ZNF704: variants seen among roughly 807,000 people sequenced by gnomAD.
ZNF704 encodes zinc finger protein 704, also known as glucocorticoid induced gene 1.
ZNF704 carries 10 observed loss-of-function variants against 44.7 expected under a neutral mutation model. The observed-to-expected ratio is 0.22, with a 90% CI of 0.14 to 0.38. The LOEUF is 0.38. ZNF704 is among the 10% of genes least tolerant of loss of function. The probability of loss-of-function intolerance (pLI) is 1.00; values close to 1 mark genes in which losing one functional copy is unlikely to be tolerated. For synonymous variants in ZNF704, 211 were observed against 207.6 expected, an observed-to-expected ratio of 1.02 and a Z score of -0.14; for missense variants, 390 against 545.5, an observed-to-expected ratio of 0.71 and a Z score of 2.84.
At chr8:80,859,002 A>C (rs1809013862) in intron 1 of ZNF704, among the ~76,000 whole-genome samples, 1 of 152,322 alleles carries the variant, frequency 6.6e-6, no homozygotes, top group East Asian at 1.9e-4. Context: ...AATATTCTAT[A>C]ATCTTACTTT....
At chr8:80,803,979 T>C (rs1393811716) in intron 2 of ZNF704, among the ~76,000 whole-genome samples, 2 of 151,820 alleles carry the variant, frequency 1.3e-5, no homozygotes, top group Non-Finnish European at 2.9e-5. Flanking sequence ...CTCAAGTAAA[T>C]TTAGAAGAAA....
intron 2 of ZNF704, 105 bp from the exon 3 acceptor site, chr8:80,693,212 T>A: frequency 1.1e-6 from 1 of 899,260 alleles, no homozygotes; most frequent in Non-Finnish European, 1.8e-6. Context: ...CTTATCCCCA[T>A]GAACAACCGA....
intron 1 of ZNF704, among the ~76,000 whole-genome samples, chr8:80,824,108 T>C (rs551922827): frequency 1.2e-4 from 19 of 152,302 alleles, no homozygotes; most frequent in Middle Eastern, 3.4e-3. Flanking sequence ...CTTCAGATGA[T>C]TGGTAGTAAC....
In ZNF704 at chr8:80,641,421, T is replaced by C; in HGVS notation, c.1184A>G (p.Asp395Gly). ...CRKVYGMENR[D>G]MWCTACRWKK... ...CCAGCGGCAGGCGGTACACCACATGTCTCGGTTCTCCATCCCGTACACCTT... is the reference window on the plus strand; with the variant it reads ...CCAGCGGCAGGCGGTACACCACATGCCTCGGTTCTCCATCCCGTACACCTT... The change falls in exon 9 of 9, where the codon GAC (aspartate) becomes GGC (glycine). Residue 395 changes from aspartate to glycine, a missense_variant. By Grantham distance (94) the Asp-to-Gly change is moderately conservative. This residue lies in a region of ZNF704 where 305 missense variants were observed against 435.7 expected (regional missense o/e 0.70). Transcript: ENST00000327835. The C allele has an allele frequency of 6.2e-7, 1 of 1,613,554 alleles. No individual in the cohort carries two copies. Among genetic ancestry groups the C allele is most frequent in the Non-Finnish European group, 8.5e-7 (1 of 1,179,796 alleles).
chr8:80,810,669 G>A (rs1808066886), intron 2 of ZNF704, among the ~76,000 whole-genome samples: 1 of 152,164 alleles, frequency 6.6e-6, no homozygotes, highest in Non-Finnish European at 1.5e-5. Context: ...TAAAGGACCA[G>A]AACTGTGGTA....
At chr8:80,867,956 A>G (rs986272458) in intron 1 of ZNF704, among the ~76,000 whole-genome samples, 3 of 152,234 alleles carry the variant, frequency 2.0e-5, no homozygotes, top group Non-Finnish European at 2.9e-5. Context: ...CAAGCTTTTC[A>G]TAAGTCTATT....
intron 2 of ZNF704, among the ~76,000 whole-genome samples, chr8:80,802,909 C>T (rs566556913): frequency 1.6e-4 from 24 of 152,224 alleles, no homozygotes; most frequent in African/African-American, 4.6e-4. Context: ...TCTTTGTTTA[C>T]AGATGACAAG....
At chr8:80,865,667 C>T (rs982398299) in intron 1 of ZNF704, among the ~76,000 whole-genome samples, 5 of 152,206 alleles carry the variant, frequency 3.3e-5, no homozygotes, top group African/African-American at 1.2e-4. Context: ...ATATGACTTT[C>T]ATTTAACCTT....
At chr8:80,665,408 T>C (rs192859936) in intron 5 of ZNF704, among the ~76,000 whole-genome samples, 21 of 152,228 alleles carry the variant, frequency 1.4e-4, no homozygotes, top group African/African-American at 4.3e-4. Flanking sequence ...ATGGAACTTA[T>C]AGTGGGAACT....
intron 2 of ZNF704, among the ~76,000 whole-genome samples, chr8:80,756,991 G>A (rs950107070): frequency 1.3e-5 from 2 of 152,236 alleles, no homozygotes; most frequent in Non-Finnish European, 2.9e-5. Context: ...ATGCAGTCAT[G>A]TACCATGGTG....
intron 2 of ZNF704, among the ~76,000 whole-genome samples, chr8:80,767,108 C>T (rs1391425745): frequency 2.0e-5 from 3 of 152,008 alleles, no homozygotes; most frequent in Non-Finnish European, 4.4e-5. Context: ...AAAATTTGAC[C>T]TTCTACACCC....
rs549535979 is a variant in ZNF704 at position 80,851,524 on chromosome 8, T to C, written c.-22+23047A>G. Among the ~76,000 whole-genome samples, 556 of 130,374 alleles carry C rather than the reference T, an allele frequency of 4.3e-3. 2 individuals carry two copies. The highest frequency in any genetic ancestry group is 0.016 in the African/African-American group (538 of 33,904). The allele number at this position is 130,374 out of a possible 152,430, so 85.5% of individuals were successfully genotyped here. On this transcript the variant is annotated intron_variant, in intron 1 of 8. Coordinates refer to ENST00000327835, the MANE Select transcript of ZNF704 (RefSeq NM_001033723.3). ...TCACTCATAGGTGGGAATTGAACAA[T>C]GAGAACACATGGACACAGGAAGGGG...
At chr8:80,739,379 C>T (rs2131690507) in intron 2 of ZNF704, among the ~76,000 whole-genome samples, 2 of 152,204 alleles carry the variant, frequency 1.3e-5, no homozygotes, top group South Asian at 4.2e-4. Flanking sequence ...AGCCTCCAAG[C>T]TCCTCTCCTA....
intron 2 of ZNF704, among the ~76,000 whole-genome samples, chr8:80,811,299 AATAAT>A (rs1315146308): frequency 2.6e-5 from 4 of 152,224 alleles, no homozygotes; most frequent in African/African-American, 7.2e-5. Flanking sequence ...CATTGGGTTA[AATAAT>A]ATGAGTTATT....
At chr8:80,775,967 G>A (rs960854365) in intron 2 of ZNF704, among the ~76,000 whole-genome samples, 4 of 152,096 alleles carry the variant, frequency 2.6e-5, no homozygotes, top group South Asian at 2.1e-4. Context: ...AATTTATACC[G>A]TTTGTATTAT....
At chr8:80,732,883 G>C (rs866284179) in intron 2 of ZNF704, among the ~76,000 whole-genome samples, 8 of 150,548 alleles carry the variant, frequency 5.3e-5, no homozygotes, top group Middle Eastern at 3.5e-3. Flanking sequence ...GAGTCCAGGA[G>C]GTCAAGGTTG....
chr8:80,827,473 TATC>T (rs755304982), intron 1 of ZNF704, among the ~76,000 whole-genome samples: 9 of 152,034 alleles, frequency 5.9e-5, no homozygotes, highest in South Asian at 2.1e-4. Flanking sequence ...GAAGAATCAA[TATC>T]ATGAAAATGG....
At chr8:80,829,392 AAAG>A in intron 1 of ZNF704, among the ~76,000 whole-genome samples, 1 of 152,190 alleles carries the variant, frequency 6.6e-6, no homozygotes, top group Non-Finnish European at 1.5e-5. Flanking sequence ...AGGGATAAAA[AAAG>A]AAAACAAAGG....
chr8:80,851,420 T>C (rs555224389), intron 1 of ZNF704, among the ~76,000 whole-genome samples: 92 of 152,172 alleles, frequency 6.0e-4, no homozygotes, highest in Admixed American at 2.8e-3. Context: ...ATGTCCTTTG[T>C]AGGGACATGG....
Sources: gnomAD v4.1 joint callset for allele counts (sites outside exome capture counted in the v4.1 genomes callset) on GRCh38, gnomAD v4.1.1 for gene constraint, gnomAD v4.1.1 regional missense constraint, MANE v1.5 for transcripts, NCBI Gene and HGNC (gene_info 2026-07-23, HGNC 2026-07-21) for gene names.